ARHGAP25: variants seen among roughly 807,000 people sequenced by gnomAD.
ARHGAP25 encodes rho GTPase-activating protein 25.
Under a neutral mutation model 71.0 loss-of-function variants are expected in ARHGAP25, and 34 were observed. The observed-to-expected ratio is 0.48, with a 90% CI of 0.36 to 0.64. ARHGAP25 has a LOEUF of 0.64. ARHGAP25 is among the 30% of genes least tolerant of loss of function. The pLI is 0.00. For missense variants in ARHGAP25, 706 were observed against 805.1 expected (o/e 0.88, Z 1.49); for synonymous variants, 282 against 296.5 (o/e 0.95, Z 0.50).
At position 68,803,191 on chromosome 2, in the gene ARHGAP25, A is replaced by C. The variant is rs112072213; in HGVS notation, c.467-4082A>C. Among the ~76,000 whole-genome samples the C allele has an allele frequency of 3.8e-3, 582 of 152,320 alleles. 7 individuals carry two copies. The highest frequency in any genetic ancestry group is 0.013 in the African/African-American group (540 of 41,568). On this transcript the variant is annotated intron_variant, in intron 4 of 10. Coordinates refer to ENST00000409202, the MANE Select transcript of ARHGAP25 (RefSeq NM_001007231.3). ...CACCAAACGAGCAGGTGGAAGATGGAGCACAGTCAAAGACACTTGAAAGGA... is the reference window on the plus strand; with the variant it reads ...CACCAAACGAGCAGGTGGAAGATGGCGCACAGTCAAAGACACTTGAAAGGA...
chr2:68,758,971 A>G (rs1676648144), intron 1 of ARHGAP25, among the ~76,000 whole-genome samples: 2 of 151,944 alleles, frequency 1.3e-5, no homozygotes, highest in Admixed American at 1.3e-4. Context: ...AATTCTGAAA[A>G]TTGTGGAAAT....
At chr2:68,749,877 C>T (rs1676054435) in intron 1 of ARHGAP25, among the ~76,000 whole-genome samples, 1 of 152,122 alleles carries the variant, frequency 6.6e-6, no homozygotes, top group East Asian at 1.9e-4. Context: ...CAACACATTC[C>T]CAAAATGTTT....
At chr2:68,796,867 G>A (rs181131121) in intron 4 of ARHGAP25, among the ~76,000 whole-genome samples, 1 of 152,302 alleles carries the variant, frequency 6.6e-6, no homozygotes, top group East Asian at 1.9e-4. Flanking sequence ...CGAGGATGGT[G>A]GGGGCAGTGG....
chr2:68,763,997 AT>A (rs1676979101), intron 1 of ARHGAP25, among the ~76,000 whole-genome samples: 1 of 152,110 alleles, frequency 6.6e-6, no homozygotes, highest in Non-Finnish European at 1.5e-5. Context: ...GGACATTTTT[AT>A]TACCCCAAAA....
intron 1 of ARHGAP25, among the ~76,000 whole-genome samples, chr2:68,759,799 T>C (rs190382434): frequency 2.0e-5 from 3 of 152,098 alleles, no homozygotes; most frequent in East Asian, 1.9e-4. Flanking sequence ...ACCAGTCTCT[T>C]TGAAAATTTT....
At chr2:68,768,332 T>A (rs1677260667) in intron 1 of ARHGAP25, among the ~76,000 whole-genome samples, 1 of 152,230 alleles carries the variant, frequency 6.6e-6, no homozygotes. Flanking sequence ...TCTGCTCAAG[T>A]GGATGCAGTG....
At chr2:68,760,549 C>A (rs1182736188) in intron 1 of ARHGAP25, among the ~76,000 whole-genome samples, 1 of 151,928 alleles carries the variant, frequency 6.6e-6, no homozygotes, top group Non-Finnish European at 1.5e-5. Flanking sequence ...AGTGATCAAT[C>A]TGAAAAGAAA....
At chr2:68,775,178 C>T in intron 1 of ARHGAP25, 43 bp from the exon 2 acceptor site, 2 of 1,614,208 alleles carry the variant, frequency 1.2e-6, no homozygotes, top group Non-Finnish European at 1.7e-6. Flanking sequence ...TGCTCACTGC[C>T]CCATGTCCCT....
At chr2:68,790,106 A>G (rs969043474) in intron 4 of ARHGAP25, among the ~76,000 whole-genome samples, 2 of 152,094 alleles carry the variant, frequency 1.3e-5, no homozygotes, top group African/African-American at 2.4e-5. Flanking sequence ...CTCCTACCTC[A>G]GCCTTCTGAA....
intron 1 of ARHGAP25, among the ~76,000 whole-genome samples, chr2:68,735,690 C>A (rs1675177533): frequency 6.6e-6 from 1 of 152,024 alleles, no homozygotes; most frequent in African/African-American, 2.4e-5. Context: ...GCCCAGGAGT[C>A]AAGGTGTATT....
At chr2:68,821,571 T>G (rs1345979791) in intron 9 of ARHGAP25, among the ~76,000 whole-genome samples, 1 of 152,254 alleles carries the variant, frequency 6.6e-6, no homozygotes, top group African/African-American at 2.4e-5. Flanking sequence ...TTGTGTCATT[T>G]TACACTTCCA....
At chr2:68,715,012 G>A (rs1558595718) in intron 2 of ARHGAP25, among the ~76,000 whole-genome samples, 2 of 152,050 alleles carry the variant, frequency 1.3e-5, no homozygotes. Context: ...AGCTCTTCTG[G>A]TGGTTAGAAT....
chr2:68,758,232 T>C (rs1454766554), intron 1 of ARHGAP25, among the ~76,000 whole-genome samples: 2 of 151,950 alleles, frequency 1.3e-5, no homozygotes, highest in Non-Finnish European at 2.9e-5. Context: ...AGAAAATAAA[T>C]AGCAAATTAC....
chr2:68,816,061 A>G (rs1681202376), intron 6 of ARHGAP25: 1 of 572,900 alleles, frequency 1.7e-6, no homozygotes, highest in Admixed American at 2.6e-5. Flanking sequence ...ATAATTACAT[A>G]TAAATAAAAG....
At chr2:68,738,966 T>C (rs1044062042) in intron 1 of ARHGAP25, among the ~76,000 whole-genome samples, 11 of 152,240 alleles carry the variant, frequency 7.2e-5, no homozygotes, top group African/African-American at 2.7e-4. Context: ...TGTCTGTCCG[T>C]AATGTTGCTG....
intron 4 of ARHGAP25, among the ~76,000 whole-genome samples, chr2:68,803,816 T>A (rs1680174588): frequency 6.6e-6 from 1 of 151,348 alleles, no homozygotes; most frequent in Non-Finnish European, 1.5e-5. Flanking sequence ...CTCCATTTGA[T>A]AATGGAAGGA....
rs527906711 is a variant in ARHGAP25, at chr2:68,777,072, AT to A, written c.261+1653del. 6.6e-5 allele frequency among the ~76,000 whole-genome samples: 10 copies of A among 152,270 alleles called. No individual in the cohort carries two copies. The South Asian group carries it at 1.9e-3, about 28-fold the overall frequency. Reference sequence around the variant, plus strand: ...GGGGCTCTTGCCTCATGTTCTGTGCATGGTAACCAGCCTTCCTTCTCTTTAT... The same window carrying A: ...GGGGCTCTTGCCTCATGTTCTGTGCAGGTAACCAGCCTTCCTTCTCTTTAT... On this transcript the variant is annotated intron_variant, in intron 2 of 10. Transcript: ENST00000409202.
At chr2:68,713,280 G>A (rs1674530737) in intron 2 of ARHGAP25, among the ~76,000 whole-genome samples, 1 of 152,140 alleles carries the variant, frequency 6.6e-6, no homozygotes, top group Admixed American at 6.5e-5. Flanking sequence ...TTGTGAATGG[G>A]AGTTCACTCA....
At chr2:68,825,818 G>A (rs576129977) in intron 10 of ARHGAP25, among the ~76,000 whole-genome samples, 169 bp from the exon 11 acceptor site, 156 of 152,226 alleles carry the variant, frequency 1.0e-3, no homozygotes, top group African/African-American at 3.4e-3. Context: ...GTACTGTGGG[G>A]ATTCAGGTTT....
Sources: gnomAD v4.1 joint callset for allele counts (sites outside exome capture counted in the v4.1 genomes callset) on GRCh38, gnomAD v4.1.1 for gene constraint, MANE v1.5 for transcripts, NCBI Gene and HGNC (gene_info 2026-07-23, HGNC 2026-07-21) for gene names.